Variants in ZNF644 observed in about 807,000 individuals in gnomAD.
ZNF644 encodes the protein zinc finger motif enhancer binding protein 2.
In ZNF644, 20 loss-of-function variants were observed where a neutral mutation model predicts 108.0. The ratio of observed to expected loss-of-function variants is 0.19; its 90% confidence interval spans 0.13 to 0.27. The LOEUF (loss-of-function observed/expected upper bound fraction) is 0.27. Among genes scored for constraint, ZNF644 ranks in the 10% least tolerant of loss-of-function variants. The pLI is 1.00. For synonymous variants in ZNF644, 542 were observed against 539.1 expected (o/e 1.01, Z -0.08); for missense variants, 1,338 against 1,548.9 (o/e 0.86, Z 2.29).
chr1:90,935,508 T>A (rs1416320609), intron 4 of ZNF644: 1 of 985,766 alleles, frequency 1.0e-6, no homozygotes, highest in Non-Finnish European at 1.2e-6. Flanking sequence ...AATGCACACA[T>A]GTTCTAAGCT....
intron 2 of ZNF644, among the ~76,000 whole-genome samples, chr1:90,955,797 T>C (rs1653695397): frequency 6.6e-6 from 1 of 152,224 alleles, no homozygotes; most frequent in Non-Finnish European, 1.5e-5. Context: ...TACCTACTAT[T>C]TGTGTGCTCA....
chr1:91,007,225 G>GTTTTTTTTTTTTTTTTTTTTTTT (rs35761791), intron 1 of ZNF644, among the ~76,000 whole-genome samples: 1 of 55,974 alleles, frequency 1.8e-5, no homozygotes, highest in Non-Finnish European at 3.3e-5. Flanking sequence ...CTCCCATTTT[G>GTTTTTTTTTTTTTTTTTTTTTTT]TTTTTTTTTT....
At chr1:90,951,102 A>G (rs967814872) in intron 2 of ZNF644, among the ~76,000 whole-genome samples, 4 of 152,198 alleles carry the variant, frequency 2.6e-5, no homozygotes, top group African/African-American at 9.7e-5. Context: ...TCTTCAAAAT[A>G]CATCCAGAAT....
At chr1:90,975,865 A>T (rs1343829197) in intron 2 of ZNF644, among the ~76,000 whole-genome samples, 1 of 152,172 alleles carries the variant, frequency 6.6e-6, no homozygotes, top group African/African-American at 2.4e-5. Context: ...ATTATTTCTG[A>T]ATCTCTTACC....
intron 1 of ZNF644, among the ~76,000 whole-genome samples, chr1:90,987,499 T>G (rs138352387): frequency 6.6e-6 from 1 of 152,134 alleles, no homozygotes; most frequent in East Asian, 1.9e-4. Context: ...AAACTCTGAA[T>G]GGCCTATAAC....
At chr1:90,919,636 G>C (rs1649197499) in intron 4 of ZNF644, among the ~76,000 whole-genome samples, 1 of 152,000 alleles carries the variant, frequency 6.6e-6, no homozygotes, top group African/African-American at 2.4e-5. Context: ...ACTACTAGAA[G>C]TCAAGTTAGG....
intron 1 of ZNF644, among the ~76,000 whole-genome samples, chr1:91,001,145 A>C (rs1162035024): frequency 6.6e-6 from 1 of 152,244 alleles, no homozygotes; most frequent in Non-Finnish European, 1.5e-5. Context: ...AAACTATTCC[A>C]ATCAATAGGA....
chr1:90,971,445 G>C (rs1381563195), intron 2 of ZNF644, among the ~76,000 whole-genome samples: 1 of 151,958 alleles, frequency 6.6e-6, no homozygotes, highest in Non-Finnish European at 1.5e-5. Flanking sequence ...TGGGGGGACA[G>C]AGTCTCACTA....
intron 2 of ZNF644, among the ~76,000 whole-genome samples, chr1:90,976,223 C>G (rs1161923854): frequency 6.6e-6 from 1 of 152,122 alleles, no homozygotes; most frequent in African/African-American, 2.4e-5. Context: ...TGATATCTTG[C>G]TCTATGAAGC....
chr1:90,925,796 G>A (rs900167508), intron 4 of ZNF644, among the ~76,000 whole-genome samples: 2 of 151,968 alleles, frequency 1.3e-5, no homozygotes, highest in African/African-American at 2.4e-5. Flanking sequence ...TAACTCTTAG[G>A]CTATATTCTC....
chr1:90,983,481 CAAAAA>C (rs768476839), intron 1 of ZNF644, among the ~76,000 whole-genome samples: 2 of 63,424 alleles, frequency 3.2e-5, no homozygotes, highest in South Asian at 5.2e-4. Flanking sequence ...CCTCATATGG[CAAAAA>C]AAAAAAAAAA....
chr1:90,965,653 T>C (rs933967919), intron 2 of ZNF644, among the ~76,000 whole-genome samples: 1 of 152,214 alleles, frequency 6.6e-6, no homozygotes, highest in Non-Finnish European at 1.5e-5. Flanking sequence ...TTTAATTACA[T>C]AAAATGTTAT....
At chr1:91,015,446 G>A (rs920272138) in intron 1 of ZNF644, among the ~76,000 whole-genome samples, 1 of 152,076 alleles carries the variant, frequency 6.6e-6, no homozygotes, top group South Asian at 2.1e-4. Context: ...GGGTTTATAC[G>A]TACATTACAA....
intron 2 of ZNF644, among the ~76,000 whole-genome samples, chr1:90,980,919 C>G (rs1047206627): frequency 2.0e-5 from 3 of 152,062 alleles, no homozygotes; most frequent in African/African-American, 7.2e-5. Context: ...AAAAGTCATT[C>G]AGCTCTATAC....
At chr1:90,981,193 A>G (rs919581110) in intron 2 of ZNF644, among the ~76,000 whole-genome samples, 4 of 152,146 alleles carry the variant, frequency 2.6e-5, no homozygotes, top group Non-Finnish European at 5.9e-5. Flanking sequence ...GTTATTTCTA[A>G]TAAATGCTAC....
rs72953059 is a variant in ZNF644, at chr1:91,008,087, T to G, written c.-18+13903A>C. 9.9e-5 allele frequency among the ~76,000 whole-genome samples: 15 copies of G among 152,240 alleles called. No homozygotes were observed. In the East Asian group the frequency reaches 2.9e-3, roughly 29 times the overall value. ...ACTTGTCAGCCAGTATTCTCAGAACTGGGAGGGAAAAAGAGACTGGGAATA... is the reference window on the plus strand; with the variant it reads ...ACTTGTCAGCCAGTATTCTCAGAACGGGGAGGGAAAAAGAGACTGGGAATA... On this transcript the variant is annotated intron_variant, in intron 1 of 5. Coordinates refer to ENST00000337393, the MANE Select transcript of ZNF644 (RefSeq NM_201269.3).
chr1:90,917,825 T>C (rs537269622), intron 5 of ZNF644, among the ~76,000 whole-genome samples: 7 of 152,312 alleles, frequency 4.6e-5, no homozygotes, highest in African/African-American at 9.6e-5. Flanking sequence ...CACAGTATAA[T>C]AGATTTACAT....
chr1:90,980,519 T>C (rs1290985073), intron 2 of ZNF644, among the ~76,000 whole-genome samples: 1 of 152,018 alleles, frequency 6.6e-6, no homozygotes, highest in Non-Finnish European at 1.5e-5. Context: ...GAAAAGAGTA[T>C]AAAAAAGTTA....
At chr1:90,921,142 T>C (rs1649383134) in intron 4 of ZNF644, among the ~76,000 whole-genome samples, 1 of 152,126 alleles carries the variant, frequency 6.6e-6, no homozygotes, top group South Asian at 2.1e-4. Context: ...GAAACATGTC[T>C]GTTATACCAA....
Sources: gnomAD v4.1 joint callset for allele counts (sites outside exome capture counted in the v4.1 genomes callset) on GRCh38, gnomAD v4.1.1 for gene constraint, MANE v1.5 for transcripts, NCBI Gene and HGNC (gene_info 2026-07-23, HGNC 2026-07-21) for gene names.